DPP10: variants seen among roughly 807,000 people sequenced by gnomAD.
DPP10 encodes the protein inactive dipeptidyl peptidase 10.
In DPP10, 33 loss-of-function variants were observed where a neutral mutation model predicts 120.9. That is an observed-to-expected ratio of 0.27 (90% CI 0.21 to 0.37). The LOEUF (loss-of-function observed/expected upper bound fraction) is 0.37, where lower values mean the gene tolerates loss of function less well. Among genes scored for constraint, DPP10 ranks in the 10% least tolerant of loss-of-function variants. DPP10 has a pLI of 1.00. For synonymous variants in DPP10, 337 were observed against 326.1 expected (o/e 1.03, Z -0.36); for missense variants, 816 against 942.8 (o/e 0.87, Z 1.76).
intron 1 of DPP10, among the ~76,000 whole-genome samples, chr2:114,902,008 A>C (rs1693613451): frequency 6.6e-6 from 1 of 152,182 alleles, no homozygotes; most frequent in Non-Finnish European, 1.5e-5. Flanking sequence ...AGAGAATGAC[A>C]ACATCTGCTT....
At chr2:115,383,294 A>T (rs1574649802) in intron 3 of DPP10, among the ~76,000 whole-genome samples, 1 of 152,160 alleles carries the variant, frequency 6.6e-6, no homozygotes, top group Admixed American at 6.5e-5. Flanking sequence ...CTCACAAGAT[A>T]TGATGGTTTT....
chr2:115,564,447 A>C (rs1012471376), intron 5 of DPP10, among the ~76,000 whole-genome samples: 5 of 152,126 alleles, frequency 3.3e-5, no homozygotes, highest in African/African-American at 7.2e-5. Flanking sequence ...TGTTTATGTT[A>C]ATTTGTACCC....
rs78153936 is a variant in DPP10 at position 115,441,604 on chromosome 2, C to T, written c.272-57906C>T. ...TTACCTGTCTCAACAATGTTTAATACGGTAGCCACTAGTCTATGTTAGACT... is the reference window on the plus strand; with the variant it reads ...TTACCTGTCTCAACAATGTTTAATATGGTAGCCACTAGTCTATGTTAGACT... On this transcript the variant is annotated intron_variant, in intron 3 of 25. Coordinates refer to ENST00000410059, the MANE Select transcript of DPP10 (RefSeq NM_020868.6). 2.0e-3 allele frequency among the ~76,000 whole-genome samples: 311 copies of T among 152,190 alleles called. 1 individual carries two copies. Among genetic ancestry groups the T allele is most frequent in the African/African-American group, 6.7e-3 (277 of 41,518 alleles).
intron 1 of DPP10, among the ~76,000 whole-genome samples, chr2:114,877,877 G>A (rs547823032): frequency 5.2e-4 from 79 of 152,028 alleles, no homozygotes; most frequent in Middle Eastern, 6.8e-3. Context: ...CTAGATGCTA[G>A]CAGCAGTGAC....
chr2:114,692,764 T>G (rs1002403032), intron 1 of DPP10, among the ~76,000 whole-genome samples: 1 of 152,104 alleles, frequency 6.6e-6, no homozygotes, highest in African/African-American at 2.4e-5. Context: ...TGGGTGCTCC[T>G]GTATTGGGTG....
chr2:114,849,210 G>C (rs899654782), intron 1 of DPP10, among the ~76,000 whole-genome samples: 2 of 152,106 alleles, frequency 1.3e-5, no homozygotes, highest in Admixed American at 1.3e-4. Flanking sequence ...TTTATTGATT[G>C]ATTTCCACGT....
intron 1 of DPP10, among the ~76,000 whole-genome samples, chr2:114,467,960 C>A (rs1156892142): frequency 6.6e-6 from 1 of 152,146 alleles, no homozygotes; most frequent in African/African-American, 2.4e-5. Flanking sequence ...GTTGAGGTAG[C>A]AGTGAGCTGT....
intron 1 of DPP10, among the ~76,000 whole-genome samples, chr2:114,940,406 G>C (rs1048568953): frequency 2.0e-5 from 3 of 152,026 alleles, no homozygotes; most frequent in Non-Finnish European, 2.9e-5. Context: ...CTGCTCTAGG[G>C]ATCAGAGAGA....
At chr2:114,565,093 G>A (rs1177679458) in intron 1 of DPP10, among the ~76,000 whole-genome samples, 1 of 152,188 alleles carries the variant, frequency 6.6e-6, no homozygotes, top group African/African-American at 2.4e-5. Context: ...GTGGGGCCTC[G>A]TGATGGAGGT....
intron 4 of DPP10, among the ~76,000 whole-genome samples, chr2:115,501,999 A>G (rs1521080): frequency 0.97 from 147,345 of 152,090 alleles, 71,546 homozygotes; most frequent in East Asian, 1. Flanking sequence ...ATGACAAGTC[A>G]TTTGAGAAAA....
chr2:115,627,344 T>C (rs2085445760), intron 5 of DPP10, among the ~76,000 whole-genome samples: 1 of 151,988 alleles, frequency 6.6e-6, no homozygotes, highest in South Asian at 2.1e-4. Context: ...CATACATATA[T>C]ATACTCTCAG....
Position 115,511,728 on chromosome 2 carries a change from C to CT in DPP10, c.366+12126dup, listed in dbSNP as rs1249835764. Among the ~76,000 whole-genome samples, 495 of 71,114 alleles carry CT rather than the reference C, an allele frequency of 7.0e-3. 10 individuals carry two copies. The highest frequency in any genetic ancestry group is 0.03 in the African/African-American group (451 of 15,076). 46.7% of individuals were successfully genotyped at this position (71,114 alleles called of 152,430 possible). A position where few individuals can be genotyped will look rare whatever the true frequency, so the allele number is the denominator to read the frequency against. On this transcript the variant is annotated intron_variant, in intron 4 of 25. Transcript: ENST00000410059. ...TCTTCTTCTTCTTCTTCTTCTTCTT[C>CT]TTCTTTTTTTTTTTTTTGACACAGG...
intron 1 of DPP10, among the ~76,000 whole-genome samples, chr2:114,757,351 GA>G (rs1380169705): frequency 1.4e-5 from 2 of 139,580 alleles, no homozygotes; most frequent in African/African-American, 2.7e-5. Flanking sequence ...GAAGTAGGGA[GA>G]GGGGGAGGGA....
chr2:115,696,359 G>A (rs551778316), intron 7 of DPP10, among the ~76,000 whole-genome samples: 1 of 152,022 alleles, frequency 6.6e-6, no homozygotes, highest in East Asian at 1.9e-4. Context: ...CCTGAGAGAG[G>A]CCCTCCTCGC....
chr2:115,545,368 A>C (rs2148981387), intron 5 of DPP10, among the ~76,000 whole-genome samples: 1 of 152,298 alleles, frequency 6.6e-6, no homozygotes, highest in African/African-American at 2.4e-5. Context: ...TGAAGAGTTC[A>C]CAGTGTAGTT....
chr2:114,570,896 G>C (rs1288649012), intron 1 of DPP10, among the ~76,000 whole-genome samples: 1 of 150,756 alleles, frequency 6.6e-6, no homozygotes, highest in Admixed American at 6.6e-5. Flanking sequence ...TGTTTATCCT[G>C]GAATAGAAAA....
chr2:114,885,692 C>A (rs1034470947), intron 1 of DPP10, among the ~76,000 whole-genome samples: 2 of 152,048 alleles, frequency 1.3e-5, no homozygotes, highest in African/African-American at 4.8e-5. Context: ...TTCTAGTCAC[C>A]TAAATTCTTT....
chr2:114,831,850 T>TA (rs34281601), intron 1 of DPP10, among the ~76,000 whole-genome samples: 51,455 of 105,010 alleles, frequency 0.49, 9,154 homozygotes, highest in Middle Eastern at 0.55. Flanking sequence ...TCTCTTTAAT[T>TA]AAAAAAAATA....
intron 5 of DPP10, among the ~76,000 whole-genome samples, chr2:115,686,736 T>G (rs1191817112): frequency 1.3e-5 from 2 of 152,084 alleles, no homozygotes; most frequent in African/African-American, 4.8e-5. Context: ...AGAAATAAGC[T>G]GATCAAGTTT....
Sources: gnomAD v4.1 joint callset for allele counts (sites outside exome capture counted in the v4.1 genomes callset) on GRCh38, gnomAD v4.1.1 for gene constraint, MANE v1.5 for transcripts, NCBI Gene and HGNC (gene_info 2026-07-23, HGNC 2026-07-21) for gene names.